Variants in PCDHGA7 observed in about 807,000 individuals in gnomAD.
PCDHGA7 encodes the protein protocadherin gamma-A7.
A neutral mutation model predicts 58.3 loss-of-function variants in PCDHGA7; 44 were observed. The ratio of observed to expected loss-of-function variants is 0.75; its 90% CI spans 0.59 to 0.97. PCDHGA7 has a LOEUF of 0.97. PCDHGA7 is among the 50% of genes least tolerant of loss of function. PCDHGA7 has a pLI of 0.00. For missense variants in PCDHGA7, 1,266 were observed against 1,188.7 expected (o/e 1.06, Z -0.96); for synonymous variants, 516 against 504.2 (o/e 1.02, Z -0.31).
At chr5:141,467,055 CTT>C (rs1193465269) in intron 1 of PCDHGA7, among the ~76,000 whole-genome samples, 47 of 134,388 alleles carry the variant, frequency 3.5e-4, no homozygotes, top group Admixed American at 6.0e-4. Context: ...TCAATGTTTT[CTT>C]TTTTTTTTTT....
Position 141,486,344 on chromosome 5 carries a change from G to C in PCDHGA7, c.2425-8463G>C. 6.2e-7 allele frequency: 1 copy of C among 1,614,062 alleles called. No homozygotes were observed. The highest frequency in any genetic ancestry group is 8.5e-7 in the Non-Finnish European group (1 of 1,180,022). On this transcript the variant is annotated intron_variant, in intron 1 of 3. Transcript: ENST00000518325. The surrounding 1 kb of genome is among the most constrained non-coding windows in gnomAD (Gnocchi z 5.0). Reference sequence around the variant, plus strand: ...CGGAGATGTGAGCCTCCGCATTCCTGACCACTTGCCATTTGCCCTCAAGTC... The same window carrying C: ...CGGAGATGTGAGCCTCCGCATTCCTCACCACTTGCCATTTGCCCTCAAGTC...
Position 141,487,506 on chromosome 5 carries a change from C to T in PCDHGA7, c.2425-7301C>T. 1 of 1,614,220 alleles carries T rather than the reference C, an allele frequency of 6.2e-7. No homozygotes were observed. The highest frequency in any genetic ancestry group is 8.5e-7 in the Non-Finnish European group (1 of 1,180,046). On this transcript the variant is annotated intron_variant, in intron 1 of 3. Coordinates refer to ENST00000518325, the MANE Select transcript of PCDHGA7 (RefSeq NM_018920.4). The surrounding 1 kb of genome is among the most constrained non-coding windows in gnomAD (Gnocchi z 5.0). ...CATGGCTGTACACCCTTGGCTTCTG[C>T]ACCCACTCGGAGTGATAGCTTCATG...
rs369044087 is a variant in PCDHGA7 at position 141,389,106 on chromosome 5, C to G, written c.2424+3783C>G. On this transcript the variant is annotated intron_variant, in intron 1 of 3. Coordinates refer to ENST00000518325, the MANE Select transcript of PCDHGA7 (RefSeq NM_018920.4). ...GTATAAATTAGTGACAGATGCTGTTCTAGACCGCGAGCAGAATCCAGAGTA... is the reference window on the plus strand; with the variant it reads ...GTATAAATTAGTGACAGATGCTGTTGTAGACCGCGAGCAGAATCCAGAGTA... 73 of 1,613,908 alleles carry G rather than the reference C, an allele frequency of 4.5e-5. No individual in the cohort carries two copies. The highest frequency in any genetic ancestry group is 1.7e-5 in the Admixed American group (1 of 60,018).
chr5:141,427,743 T>A, intron 1 of PCDHGA7: 5 of 1,249,166 alleles, frequency 4.0e-6, no homozygotes, highest in Non-Finnish European at 5.8e-6. Context: ...CCAAGTCTCC[T>A]ACTCCATCGT....
Position 141,382,957 on chromosome 5 carries a change from C to T in PCDHGA7, c.58C>T (p.Leu20=), listed in dbSNP as rs1350220102. The T allele has an allele frequency of 6.2e-7, 1 of 1,606,282 alleles. No individual in the cohort carries two copies. Among genetic ancestry groups the T allele is most frequent in the Non-Finnish European group, 8.5e-7 (1 of 1,174,784 alleles). ...YRGFFLLSIL[L]GTPWEAWAGR... ...AGGATTCTTCCTGCTCTCCATCCTCCTGGGGACCCCCTGGGAAGCCTGGGC... is the reference window on the plus strand; with the variant it reads ...AGGATTCTTCCTGCTCTCCATCCTCTTGGGGACCCCCTGGGAAGCCTGGGC... Residue 20 remains leucine, a synonymous_variant, in exon 1 of 4, where the codon CTG becomes TTG. Coordinates refer to ENST00000518325, the MANE Select transcript of PCDHGA7 (RefSeq NM_018920.4).
chr5:141,403,442 G>A, intron 1 of PCDHGA7: 2 of 1,614,024 alleles, frequency 1.2e-6, no homozygotes, highest in Admixed American at 1.7e-5. Flanking sequence ...GGATGTTGGC[G>A]TGAACTCCCT....
At chr5:141,399,816 G>T (rs1399321740) in intron 1 of PCDHGA7, 1 of 1,613,196 alleles carries the variant, frequency 6.2e-7, no homozygotes, top group Non-Finnish European at 8.5e-7. Flanking sequence ...ACCCCGCGCT[G>T]GGTCCCGACG....
chr5:141,430,951 C>A, intron 1 of PCDHGA7: 3 of 1,610,496 alleles, frequency 1.9e-6, no homozygotes, highest in Non-Finnish European at 2.5e-6. Flanking sequence ...AGCGCGGAGT[C>A]CGCATCATCC....
chr5:141,473,479 G>GA (rs150184379), intron 1 of PCDHGA7, among the ~76,000 whole-genome samples: 6,877 of 152,218 alleles, frequency 0.045, 184 homozygotes, highest in Middle Eastern at 0.088. Flanking sequence ...AAGTTCAATG[G>GA]AAAAAATATA....
In PCDHGA7 at chr5:141,486,858, C is replaced by T. The variant is rs2099636039; in HGVS notation, c.2425-7949C>T. The T allele has an allele frequency of 2.5e-6, 4 of 1,614,246 alleles. No homozygotes were observed. The highest frequency in any genetic ancestry group is 1.1e-5 in the South Asian group (1 of 91,088). On this transcript the variant is annotated intron_variant, in intron 1 of 3. Transcript: ENST00000518325. The surrounding 1 kb of genome is among the most constrained non-coding windows in gnomAD (Gnocchi z 5.0). ...TTTGTGCTGGACCTCAATGACAATGCTCCAGCTGTGCTCCGTCCTCGGGCC... is the reference window on the plus strand; with the variant it reads ...TTTGTGCTGGACCTCAATGACAATGTTCCAGCTGTGCTCCGTCCTCGGGCC...
intron 2 of PCDHGA7, among the ~76,000 whole-genome samples, chr5:141,498,404 C>T (rs1283586713): frequency 6.6e-6 from 1 of 152,104 alleles, no homozygotes; most frequent in African/African-American, 2.4e-5. Context: ...AGGGAGTTTT[C>T]TCTTTGCTGG....
chr5:141,476,562 C>A lies in PCDHGA7; in HGVS notation c.2425-18245C>A. On this transcript the variant is annotated intron_variant, in intron 1 of 3. Transcript: ENST00000518325. This position sits in a 1 kb window ranked among gnomAD's most constrained non-coding sequence, Gnocchi z 7.6. ...AAATTGGAGATTAGCGAGGCCGTGG[C>A]TCCGGGGACGCGCTTTCCGCTCGAG... 1 of 1,614,218 alleles carries A rather than the reference C, an allele frequency of 6.2e-7. No homozygotes were observed. The highest frequency in any genetic ancestry group is 8.5e-7 in the Non-Finnish European group (1 of 1,180,034).
Position 141,485,395 on chromosome 5 carries a change from C to T in PCDHGA7, c.2425-9412C>T. On this transcript the variant is annotated intron_variant, in intron 1 of 3. Coordinates refer to ENST00000518325, the MANE Select transcript of PCDHGA7 (RefSeq NM_018920.4). The surrounding 1 kb of genome is among the most constrained non-coding windows in gnomAD (Gnocchi z 5.7). Reference sequence around the variant, plus strand: ...TCGCTGGAGAGGTGAACCAAAGACACTTCCGTGTGGATTTGGACAGCGGAG... The same window carrying T: ...TCGCTGGAGAGGTGAACCAAAGACATTTCCGTGTGGATTTGGACAGCGGAG... 5 of 1,614,154 alleles carry T rather than the reference C, an allele frequency of 3.1e-6. No homozygotes were observed. Among genetic ancestry groups the T allele is most frequent in the Non-Finnish European group, 3.4e-6 (4 of 1,180,026 alleles).
chr5:141,447,648 T>A (rs1262852729), intron 1 of PCDHGA7, among the ~76,000 whole-genome samples: 3 of 152,164 alleles, frequency 2.0e-5, no homozygotes, highest in African/African-American at 4.8e-5. Flanking sequence ...ATGGTAGAAT[T>A]TTCCCCCCCA....
In PCDHGA7 at chr5:141,505,574, CCT is replaced by C. The variant is rs562555098; in HGVS notation, c.2572+94_2572+95del. 5.3e-5 allele frequency: 85 copies of C among 1,593,636 alleles called. No individual in the cohort carries two copies. The African/African-American group carries it at 1.0e-3, about 20-fold the overall frequency. On this transcript the variant is annotated intron_variant, in intron 3 of 3. Coordinates refer to ENST00000518325, the MANE Select transcript of PCDHGA7 (RefSeq NM_018920.4). ...CCATGCCCACGGACTGGATGTCAAACCTGTGTAGTTTCTCCAGATCTTTCGGC... is the reference window on the plus strand; with the variant it reads ...CCATGCCCACGGACTGGATGTCAAACGTGTAGTTTCTCCAGATCTTTCGGC...
At chr5:141,461,963 C>T (rs1396490046) in intron 1 of PCDHGA7, among the ~76,000 whole-genome samples, 1 of 152,084 alleles carries the variant, frequency 6.6e-6, no homozygotes, top group Non-Finnish European at 1.5e-5. Flanking sequence ...AGCTGGGATT[C>T]CAGGCATATG....
chr5:141,465,048 A>AT (rs905091014), intron 1 of PCDHGA7, among the ~76,000 whole-genome samples: 18 of 151,226 alleles, frequency 1.2e-4, no homozygotes, highest in African/African-American at 4.4e-4. Context: ...GACCCTATAT[A>AT]TTTTTTTGAA....
rs2099750571 is a variant in PCDHGA7, at chr5:141,493,878, T to A, written c.2425-929T>A. On this transcript the variant is annotated intron_variant, in intron 1 of 3. Coordinates refer to ENST00000518325, the MANE Select transcript of PCDHGA7 (RefSeq NM_018920.4). This position sits in a 1 kb window ranked among gnomAD's most constrained non-coding sequence, Gnocchi z 4.3. ...GCCCACCCCAGAACCAGTGAGGAGG[T>A]GGCTCTAGGAGTGCTCCATGAGAGT... is the stretch of plus-strand genomic sequence containing the variant. 6.6e-6 allele frequency among the ~76,000 whole-genome samples: 1 copy of A among 152,072 alleles called. No homozygotes were observed. The highest frequency in any genetic ancestry group is 6.6e-5 in the Admixed American group (1 of 15,264).
chr5:141,450,556 G>A lies in PCDHGA7; in HGVS notation c.2425-44251G>A, dbSNP rs534127421. Among the ~76,000 whole-genome samples, 5 of 151,822 alleles carry A rather than the reference G, an allele frequency of 3.3e-5. 1 individual carries two copies. Among genetic ancestry groups the A allele is most frequent in the South Asian group, 2.1e-4 (1 of 4,804 alleles). On this transcript the variant is annotated intron_variant, in intron 1 of 3. Transcript: ENST00000518325. ...GGCTGGAATGCAGTGGCGCAGTCTCGGCTCACTGCAACTTCTGCCTCCCAG... is the reference window on the plus strand; with the variant it reads ...GGCTGGAATGCAGTGGCGCAGTCTCAGCTCACTGCAACTTCTGCCTCCCAG...
Sources: allele counts gnomAD v4.1 joint callset (sites outside exome capture counted in the v4.1 genomes callset), GRCh38; gene constraint gnomAD v4.1.1; non-coding constraint Gnocchi (gnomAD v3.1); transcripts MANE v1.5; gene names NCBI Gene and HGNC (gene_info 2026-07-23, HGNC 2026-07-21).